PPEF2: variants seen among roughly 807,000 people sequenced by gnomAD.
PPEF2 encodes serine/threonine-protein phosphatase with EF-hands 2.
In PPEF2, 84 loss-of-function variants were observed where a neutral mutation model predicts 84.7. The observed-to-expected ratio is 0.99, with a 90% CI of 0.83 to 1.19. The LOEUF is 1.19. Ranked by LOEUF, PPEF2 falls within the 50% of genes most tolerant of loss-of-function variation. The pLI is 0.00. For missense variants in PPEF2, 924 were observed against 937.5 expected, an observed-to-expected ratio of 0.99 and a Z score of 0.19; for synonymous variants, 346 against 345.2, an observed-to-expected ratio of 1.00 and a Z score of -0.03.
intron 15 of PPEF2, among the ~76,000 whole-genome samples, chr4:75,865,615 G>A (rs1724109030): frequency 6.6e-6 from 1 of 151,706 alleles, no homozygotes. Context: ...CGAACTCCTG[G>A]CCTCAAGTGA....
chr4:75,874,718 A>T (rs558292737), intron 11 of PPEF2, among the ~76,000 whole-genome samples: 84 of 152,266 alleles, frequency 5.5e-4, no homozygotes, highest in African/African-American at 2.0e-3. Flanking sequence ...TATAATTTCA[A>T]TTCTAAATTG....
chr4:75,865,898 A>T (rs1280021210), intron 15 of PPEF2, among the ~76,000 whole-genome samples: 2 of 152,200 alleles, frequency 1.3e-5, no homozygotes, highest in South Asian at 2.1e-4. Context: ...GTCCCAACTT[A>T]GTCGTTCTAT....
At chr4:75,877,296 C>T (rs1265266280) in intron 10 of PPEF2, among the ~76,000 whole-genome samples, 1 of 150,824 alleles carries the variant, frequency 6.6e-6, no homozygotes, top group Non-Finnish European at 1.5e-5. Flanking sequence ...AAGATTGCAC[C>T]ATTGCACTCC....
intron 4 of PPEF2, among the ~76,000 whole-genome samples, chr4:75,890,883 T>C (rs1394030194): frequency 1.3e-5 from 2 of 152,130 alleles, no homozygotes; most frequent in African/African-American, 4.8e-5. Flanking sequence ...AGAAATGCTA[T>C]GGAATTAACA....
intron 13 of PPEF2, among the ~76,000 whole-genome samples, chr4:75,867,950 T>A (rs1355230231): frequency 6.6e-6 from 1 of 151,892 alleles, no homozygotes; most frequent in Non-Finnish European, 1.5e-5. Flanking sequence ...GTCAATAGAG[T>A]AATGCTGGGC....
intron 13 of PPEF2, among the ~76,000 whole-genome samples, chr4:75,868,738 C>T (rs182876906): frequency 4.2e-4 from 64 of 152,304 alleles, no homozygotes; most frequent in Non-Finnish European, 6.5e-4. Context: ...CATGGTGGCT[C>T]ATGCCTATAA....
chr4:75,864,259 T>C (rs975935457), intron 16 of PPEF2, among the ~76,000 whole-genome samples, 181 bp downstream of exon 16: 10 of 152,198 alleles, frequency 6.6e-5, no homozygotes, highest in Admixed American at 2.0e-4. Context: ...TCTTTCTCTA[T>C]GGGCTGCTGA....
intron 13 of PPEF2, among the ~76,000 whole-genome samples, chr4:75,868,163 A>AAG (rs992192234): frequency 8.0e-5 from 12 of 150,702 alleles, no homozygotes; most frequent in Non-Finnish European, 1.5e-4. Context: ...GTACAAAAAA[A>AAG]AAATTAGCCA....
intron 16 of PPEF2, among the ~76,000 whole-genome samples, chr4:75,862,224 C>T (rs918491559): frequency 2.8e-5 from 4 of 144,258 alleles, no homozygotes; most frequent in East Asian, 2.1e-4. Context: ...ACCCAGGAGG[C>T]GGAGGTTGCA....
rs528481602 is a variant in PPEF2, at chr4:75,860,406, G to T, written c.*261C>A. On this transcript the variant is annotated 3_prime_UTR_variant, in exon 17 of 17. Transcript: ENST00000286719. The stretch of plus-strand genomic sequence containing the variant: ...TTGTCAGTGGTTCTTAACTGAAGTG[G>T]ACTTTAGAATTTGAAAACACTATAC... 175 of 485,280 alleles carry T rather than the reference G, an allele frequency of 3.6e-4. 1 individual carries two copies. The highest frequency in any genetic ancestry group is 5.5e-4 in the Non-Finnish European group (149 of 272,618). The allele number at this position is 485,280 out of a possible 1,614,324, so 30.1% of individuals were successfully genotyped here.
chr4:75,876,678 A>G lies in PPEF2; in HGVS notation c.934-5T>C. On this transcript the variant is annotated splice_polypyrimidine_tract_variant and splice_region_variant and intron_variant, in intron 10 of 16. Coordinates refer to ENST00000286719, the MANE Select transcript of PPEF2 (RefSeq NM_006239.3). ...GCACCTCATGGTGGAAACTATCTAA[A>G]CACGTCCAGAAAGAGATACAGATGC... is the stretch of plus-strand genomic sequence containing the variant. 1 of 1,529,652 alleles carries G rather than the reference A, an allele frequency of 6.5e-7. No individual in the cohort carries two copies. 94.8% of individuals were successfully genotyped at this position (1,529,652 alleles called of 1,614,324 possible). A position where few individuals can be genotyped will look rare whatever the true frequency, so the allele number is the denominator to read the frequency against.
At chr4:75,897,658 C>T (rs1460863656) in intron 1 of PPEF2, among the ~76,000 whole-genome samples, 6 of 152,130 alleles carry the variant, frequency 3.9e-5, no homozygotes, top group Non-Finnish European at 7.3e-5. Flanking sequence ...ACTTGTAATC[C>T]CAGCTACTTG....
At position 75,888,284 on chromosome 4, in the gene PPEF2, C is replaced by T; in HGVS notation, c.462G>A (p.Lys154=). The T allele has an allele frequency of 6.2e-7, 1 of 1,614,014 alleles. No individual in the cohort carries two copies. Among genetic ancestry groups the T allele is most frequent in the African/African-American group, 1.3e-5 (1 of 75,014 alleles). Residue 154 remains lysine, a synonymous_variant, in exon 6 of 17, where the codon AAG becomes AAA. Transcript: ENST00000286719. ...TGTTTGGCAGCTGTACCAGATGTTT[C>T]TTGGTTTCATACAAAAGGTTCAAGA... is the stretch of plus-strand genomic sequence containing the variant. The part of the protein sequence containing the change: ...RYVLNLLYET[K]KHLVQLPNIN...
chr4:75,860,951 G>C (rs201228872), intron 16 of PPEF2, 31 bp from the exon 17 acceptor site: 2 of 1,604,300 alleles, frequency 1.2e-6, no homozygotes, highest in South Asian at 1.1e-5. Flanking sequence ...ACTTCAGTGA[G>C]TTAGTCTAGT....
chr4:75,886,475 G>C (rs888074556), intron 7 of PPEF2, among the ~76,000 whole-genome samples: 1 of 152,198 alleles, frequency 6.6e-6, no homozygotes, highest in African/African-American at 2.4e-5. Context: ...TCTGGGTCAG[G>C]ATTTCGCACT....
At chr4:75,870,104 A>G (rs113750427) in intron 13 of PPEF2, among the ~76,000 whole-genome samples, 1,751 of 152,308 alleles carry the variant, frequency 0.011, 31 homozygotes, top group African/African-American at 0.037. Flanking sequence ...CACACTATTC[A>G]CTGTAGGGAA....
At chr4:75,869,798 C>G (rs1724224867) in intron 13 of PPEF2, among the ~76,000 whole-genome samples, 1 of 151,924 alleles carries the variant, frequency 6.6e-6, no homozygotes, top group African/African-American at 2.4e-5. Context: ...AGTGATCTGT[C>G]ATCCTGCCAC....
In PPEF2 at chr4:75,896,352, C is replaced by T. The variant is rs769703461; in HGVS notation, c.-27G>A. On this transcript the variant is annotated 5_prime_UTR_variant, in exon 2 of 17. Transcript: ENST00000286719. ...GTTTAAGCGCAATGCTCCTGCAGGA[C>T]GCAGCAGATCCAGAGGACAGTGAGC... 35 of 1,612,112 alleles carry T rather than the reference C, an allele frequency of 2.2e-5. No homozygotes were observed. Among genetic ancestry groups the T allele is most frequent in the African/African-American group, 2.7e-5 (2 of 74,858 alleles).
Position 75,896,341 on chromosome 4 carries a change from C to T in PPEF2, c.-16G>A, listed in dbSNP as rs748392819. Reference sequence around the variant, plus strand: ...CGCTTCCCATAGTTTAAGCGCAATGCTCCTGCAGGACGCAGCAGATCCAGA... The same window carrying T: ...CGCTTCCCATAGTTTAAGCGCAATGTTCCTGCAGGACGCAGCAGATCCAGA... On this transcript the variant is annotated 5_prime_UTR_variant, in exon 2 of 17. Coordinates refer to ENST00000286719, the MANE Select transcript of PPEF2 (RefSeq NM_006239.3). 9.3e-6 allele frequency: 15 copies of T among 1,613,998 alleles called. No individual in the cohort carries two copies. Among genetic ancestry groups the T allele is most frequent in the Non-Finnish European group, 1.2e-5 (14 of 1,179,862 alleles).
Sources: allele counts gnomAD v4.1 joint callset (sites outside exome capture counted in the v4.1 genomes callset), GRCh38; gene constraint gnomAD v4.1.1; transcripts MANE v1.5; gene names NCBI Gene and HGNC (gene_info 2026-07-23, HGNC 2026-07-21).